The following CDH13 variants were observed in gnomAD, a reference collection of about 807,000 sequenced individuals.
CDH13 encodes the protein cadherin 13, also known as cadherin-13.
In CDH13, 24 loss-of-function variants were observed where a neutral mutation model predicts 63.8. The observed-to-expected ratio is 0.38, with a 90% CI of 0.27 to 0.53. CDH13 has a LOEUF of 0.53. Among genes scored for constraint, CDH13 ranks in the 20% least tolerant of loss-of-function variants. CDH13 has a pLI of 0.85. For synonymous variants in CDH13, 503 were observed against 355.3 expected, an observed-to-expected ratio of 1.42 and a Z score of -4.67; for missense variants, 1,049 against 903.1, an observed-to-expected ratio of 1.16 and a Z score of -2.07.
At chr16:83,069,208 G>T (rs950890357) in intron 3 of CDH13, among the ~76,000 whole-genome samples, 1 of 152,138 alleles carries the variant, frequency 6.6e-6, no homozygotes, top group East Asian at 1.9e-4. Context: ...GTAATCAGTG[G>T]TCTCAATGTC....
chr16:82,677,265 A>G (rs1227541014), intron 1 of CDH13, among the ~76,000 whole-genome samples: 2 of 152,168 alleles, frequency 1.3e-5, no homozygotes, highest in Admixed American at 1.3e-4. Flanking sequence ...GTCTATTGCC[A>G]CTTCTTTGGG....
intron 2 of CDH13, among the ~76,000 whole-genome samples, chr16:83,017,377 C>A (rs1418253453): frequency 6.6e-6 from 1 of 152,194 alleles, no homozygotes; most frequent in Non-Finnish European, 1.5e-5. Context: ...TCCTGTGCTG[C>A]TAAGCTGTAG....
chr16:83,271,213 T>G (rs1304359531), intron 5 of CDH13, among the ~76,000 whole-genome samples: 1 of 151,790 alleles, frequency 6.6e-6, no homozygotes, highest in Non-Finnish European at 1.5e-5. Context: ...ACAGTACAAC[T>G]GAATCACATA....
intron 2 of CDH13, among the ~76,000 whole-genome samples, chr16:83,028,472 C>G (rs1474882232): frequency 6.6e-6 from 1 of 152,166 alleles, no homozygotes; most frequent in Non-Finnish European, 1.5e-5. Flanking sequence ...CTCTTCAGGA[C>G]TGGGCAGGAA....
chr16:82,639,567 T>A (rs1909134318), intron 1 of CDH13: 3 of 728,148 alleles, frequency 4.1e-6, no homozygotes, highest in Admixed American at 2.2e-5. Context: ...AAGCTACTCT[T>A]TGTAATTCTT....
chr16:83,006,365 C>T (rs1418690840), intron 2 of CDH13, among the ~76,000 whole-genome samples: 1 of 152,202 alleles, frequency 6.6e-6, no homozygotes, highest in East Asian at 1.9e-4. Flanking sequence ...AAAAAACGTT[C>T]AGATATGTCT....
At chr16:82,945,718 T>C (rs924274862) in intron 2 of CDH13, among the ~76,000 whole-genome samples, 1 of 152,196 alleles carries the variant, frequency 6.6e-6, no homozygotes, top group African/African-American at 2.4e-5. Flanking sequence ...CTCTGCTCCT[T>C]CCATCTTGCT....
chr16:82,720,473 C>G (rs1293896052), intron 1 of CDH13, among the ~76,000 whole-genome samples: 2 of 152,098 alleles, frequency 1.3e-5, no homozygotes, highest in Non-Finnish European at 2.9e-5. Context: ...GGAACTGACC[C>G]TGGACAGGAC....
At chr16:83,490,186 A>G (rs1203702360) in intron 7 of CDH13, among the ~76,000 whole-genome samples, 1 of 152,104 alleles carries the variant, frequency 6.6e-6, no homozygotes, top group African/African-American at 2.4e-5. Context: ...TTTCATCTTT[A>G]TTTTCCATTT....
At chr16:83,750,720 C>A (rs1371835935) in intron 11 of CDH13, among the ~76,000 whole-genome samples, 1 of 152,204 alleles carries the variant, frequency 6.6e-6, no homozygotes, top group Non-Finnish European at 1.5e-5. Flanking sequence ...TCCCTGTAAA[C>A]TTCCAGCAGC....
intron 6 of CDH13, among the ~76,000 whole-genome samples, chr16:83,378,088 G>A (rs76664740): frequency 6.6e-6 from 1 of 152,116 alleles, no homozygotes; most frequent in South Asian, 2.1e-4. Flanking sequence ...AAAAAGCCAG[G>A]CATTTGCTTC....
intron 11 of CDH13, among the ~76,000 whole-genome samples, chr16:83,757,891 G>A (rs1490406016): frequency 6.6e-6 from 1 of 151,950 alleles, no homozygotes; most frequent in Admixed American, 6.6e-5. Context: ...CACTTTGGAG[G>A]CCGAGGCAGG....
chr16:82,879,953 A>T (rs1341876048), intron 2 of CDH13, among the ~76,000 whole-genome samples: 1 of 145,654 alleles, frequency 6.9e-6, no homozygotes, highest in African/African-American at 2.5e-5. Flanking sequence ...TTATAACATC[A>T]GTATGTATCA....
At chr16:83,286,434 T>G (rs1022682582) in intron 5 of CDH13, among the ~76,000 whole-genome samples, 1 of 152,196 alleles carries the variant, frequency 6.6e-6, no homozygotes, top group African/African-American at 2.4e-5. Flanking sequence ...TTTACAGATG[T>G]ACAAATTTGG....
At chr16:83,751,243 A>G (rs1290479642) in intron 11 of CDH13, among the ~76,000 whole-genome samples, 1 of 152,206 alleles carries the variant, frequency 6.6e-6, no homozygotes, top group Non-Finnish European at 1.5e-5. Flanking sequence ...TCCACATGCT[A>G]TGCCATGGAC....
intron 2 of CDH13, among the ~76,000 whole-genome samples, chr16:82,905,315 A>T (rs1454068936): frequency 6.6e-6 from 1 of 152,208 alleles, no homozygotes; most frequent in Non-Finnish European, 1.5e-5. Context: ...ATATAACAAG[A>T]TATTTATGAG....
At chr16:82,842,145 T>TAC (rs1273399218) in intron 1 of CDH13, among the ~76,000 whole-genome samples, 560 of 27,510 alleles carry the variant, frequency 0.02, 17 homozygotes, top group African/African-American at 0.06. Context: ...TATACACATA[T>TAC]ATATATATAT....
chr16:83,256,429 C>G (rs894094122), intron 5 of CDH13, among the ~76,000 whole-genome samples: 2 of 152,036 alleles, frequency 1.3e-5, no homozygotes, highest in African/African-American at 4.8e-5. Context: ...GTATTGTCAG[C>G]TCAGAGTTCT....
intron 7 of CDH13, among the ~76,000 whole-genome samples, chr16:83,571,646 A>G (rs1219734690): frequency 6.6e-6 from 1 of 152,162 alleles, no homozygotes; most frequent in African/African-American, 2.4e-5. Context: ...TGCCTTGAGA[A>G]TCCAGCACAG....
Sources: allele counts gnomAD v4.1 joint callset (sites outside exome capture counted in the v4.1 genomes callset), GRCh38; gene constraint gnomAD v4.1.1; transcripts MANE v1.5; gene names NCBI Gene and HGNC (gene_info 2026-07-23, HGNC 2026-07-21).